LRRIQ4: variants seen among roughly 807,000 people sequenced by gnomAD.
The protein encoded by LRRIQ4 is leucine rich repeats and IQ motif containing 4.
In LRRIQ4, 21 loss-of-function variants were observed where a neutral mutation model predicts 40.1. The observed-to-expected ratio is 0.52, with a 90% confidence interval of 0.37 to 0.75. The LOEUF is 0.75. LRRIQ4 is among the 30% of genes least tolerant of loss of function. LRRIQ4 has a pLI of 0.00. For synonymous variants in LRRIQ4, 277 were observed against 277.1 expected, an observed-to-expected ratio of 1.00 and a Z score of 0.00; for missense variants, 655 against 660.0, an observed-to-expected ratio of 0.99 and a Z score of 0.08.
Position 169,828,861 on chromosome 3 carries a change from G to A in LRRIQ4, c.1123G>A (p.Glu375Lys). The change falls in exon 3 of 6, where the codon GAG becomes AAG. Residue 375 changes from glutamate (E) to lysine (K), a missense_variant. Physicochemically the swap from Glu to Lys is moderately conservative, Grantham distance 56. Transcript: ENST00000340806. ...PEEVLSLASL[E>K]KLYIGQDQGF... The stretch of plus-strand genomic sequence containing the variant: ...GGAAGTCCTTTCTTTAGCGTCTTTA[G>A]AGAAATTATACATTGGGCAAGACCA... 6.2e-7 allele frequency: 1 copy of A among 1,613,884 alleles called. No homozygotes were observed.
Position 169,833,056 on chromosome 3 carries a change from A to G in LRRIQ4, c.1403A>G (p.Asn468Ser). Residue 468 changes from asparagine (N) to serine (S), a missense_variant, in exon 5 of 6, where the codon AAT (asparagine) becomes AGT (serine). Asn to Ser is a conservative substitution (Grantham distance 46). Coordinates refer to ENST00000340806, the MANE Select transcript of LRRIQ4 (RefSeq NM_001080460.3). ...HLPENLDSLV[N>S]LKVLTLMDNP... is the part of the protein sequence containing the mutation. Reference sequence around the variant, plus strand: ...CCAGAGAATTTGGATTCCCTAGTGAATCTTAAGGTTCTGACACTGATGGAC... The same window carrying G: ...CCAGAGAATTTGGATTCCCTAGTGAGTCTTAAGGTTCTGACACTGATGGAC... The G allele has an allele frequency of 6.2e-7, 1 of 1,614,014 alleles. No homozygotes were observed. Among genetic ancestry groups the G allele is most frequent in the Non-Finnish European group, 8.5e-7 (1 of 1,179,888 alleles).
chr3:169,834,724 C>A (rs192023537), intron 5 of LRRIQ4, among the ~76,000 whole-genome samples: 41 of 152,242 alleles, frequency 2.7e-4, no homozygotes, highest in Admixed American at 9.2e-4. Flanking sequence ...TAAACATGTA[C>A]TTCCATTCTA....
intron 2 of LRRIQ4, among the ~76,000 whole-genome samples, chr3:169,826,366 GA>G (rs1171287522): frequency 6.7e-6 from 1 of 149,006 alleles, no homozygotes; most frequent in Non-Finnish European, 1.5e-5. Flanking sequence ...CCGTCCAGCC[GA>G]GGCAAGAAGA....
chr3:169,831,583 TGA>T (rs1248342001), intron 4 of LRRIQ4, among the ~76,000 whole-genome samples: 1 of 146,900 alleles, frequency 6.8e-6, no homozygotes, highest in Admixed American at 6.8e-5. Context: ...ATTACAGGCG[TGA>T]GCCACCGTGC....
chr3:169,830,704 C>G (rs2108182325), intron 4 of LRRIQ4, 74 bp downstream of exon 4: 2 of 1,560,294 alleles, frequency 1.3e-6, no homozygotes, highest in Non-Finnish European at 1.8e-6. Flanking sequence ...GGCTTCCTTG[C>G]TTTGCTAAAG....
At chr3:169,816,474 A>T (rs537337787) in intron 1 of LRRIQ4, among the ~76,000 whole-genome samples, 2 of 152,168 alleles carry the variant, frequency 1.3e-5, no homozygotes, top group East Asian at 3.9e-4. Context: ...TTTCTACTGT[A>T]TCAGTTGTAA....
At chr3:169,826,161 G>A (rs1160127222) in intron 2 of LRRIQ4, among the ~76,000 whole-genome samples, 1 of 152,160 alleles carries the variant, frequency 6.6e-6, no homozygotes, top group Non-Finnish European at 1.5e-5. Flanking sequence ...GGAGGATGAG[G>A]CGAGTGGATC....
intron 5 of LRRIQ4, among the ~76,000 whole-genome samples, chr3:169,834,220 G>A (rs1034680574): frequency 1.3e-5 from 2 of 152,060 alleles, no homozygotes; most frequent in Non-Finnish European, 2.9e-5. Context: ...AAATTAGCTG[G>A]GCATGGTGGT....
intron 2 of LRRIQ4, 141 bp downstream of exon 2, chr3:169,823,082 C>T (rs905784415): frequency 4.5e-6 from 3 of 662,464 alleles, no homozygotes; most frequent in Non-Finnish European, 7.3e-6. Context: ...CAAGGTGATA[C>T]TTTGTATTAC....
chr3:169,828,415 G>T (rs188655496), intron 2 of LRRIQ4, among the ~76,000 whole-genome samples: 1 of 152,222 alleles, frequency 6.6e-6, no homozygotes, highest in Non-Finnish European at 1.5e-5. Context: ...ATATTTTTTA[G>T]TAGAGACAAG....
intron 2 of LRRIQ4, among the ~76,000 whole-genome samples, chr3:169,826,753 T>C (rs1053573072): frequency 2.0e-5 from 3 of 152,350 alleles, no homozygotes; most frequent in South Asian, 4.1e-4. Context: ...GCATTTTGTA[T>C]TGAAGACATC....
Position 169,822,700 on chromosome 3 carries a change from C to T in LRRIQ4, c.779C>T (p.Thr260Met), listed in dbSNP as rs1306209640. The change falls in exon 2 of 6, where the codon ACG (threonine) becomes ATG (methionine). Residue 260 changes from threonine to methionine, a missense_variant. Transcript: ENST00000340806. ...AGCTTCGCCGAGCTCAGGAAGATGA[C>T]GGAAATCGGGCTGAGCGGGAACCGC... ...PKSFAELRKM[T>M]EIGLSGNRLE... 1.2e-6 allele frequency: 2 copies of T among 1,613,968 alleles called. No homozygotes were observed. Among genetic ancestry groups the T allele is most frequent in the Non-Finnish European group, 1.7e-6 (2 of 1,179,888 alleles).
chr3:169,832,568 G>T (rs2108185045), intron 4 of LRRIQ4, among the ~76,000 whole-genome samples: 1 of 145,442 alleles, frequency 6.9e-6, no homozygotes, highest in South Asian at 2.2e-4. Flanking sequence ...GGAGGCAGAG[G>T]TTGTAGTGAG....
At chr3:169,819,654 G>A (rs1461623521) in intron 1 of LRRIQ4, among the ~76,000 whole-genome samples, 1 of 152,190 alleles carries the variant, frequency 6.6e-6, no homozygotes, top group African/African-American at 2.4e-5. Context: ...TCTGAGAAGA[G>A]CCCTTTTAGT....
rs1780099837 is a variant in LRRIQ4 at position 169,828,836 on chromosome 3, G to A, written c.1098G>A (p.Glu366=). 2 of 1,613,734 alleles carry A rather than the reference G, an allele frequency of 1.2e-6. No homozygotes were observed. The highest frequency in any genetic ancestry group is 1.3e-5 in the African/African-American group (1 of 74,912). Residue 366 remains glutamate (E), a synonymous_variant, in exon 3 of 6, where the codon GAG becomes GAA. Coordinates refer to ENST00000340806, the MANE Select transcript of LRRIQ4 (RefSeq NM_001080460.3). ...LTGNEFLSFP[E]EVLSLASLEK... Reference sequence around the variant, plus strand: ...GAAATGAGTTCCTTTCCTTTCCGGAGGAAGTCCTTTCTTTAGCGTCTTTAG... The same window carrying A: ...GAAATGAGTTCCTTTCCTTTCCGGAAGAAGTCCTTTCTTTAGCGTCTTTAG...
rs1576755080 is a variant in LRRIQ4, at chr3:169,812,977, G to C, written c.-101G>C. 2 of 167,882 alleles carry C rather than the reference G, an allele frequency of 1.2e-5. No homozygotes were observed. Among genetic ancestry groups the C allele is most frequent in the Admixed American group, 6.4e-5 (1 of 15,692 alleles). 10.4% of individuals were successfully genotyped at this position (167,882 alleles called of 1,614,324 possible). A position where few individuals can be genotyped will look rare whatever the true frequency, so the allele number is the denominator to read the frequency against. On this transcript the variant is annotated 5_prime_UTR_variant, in exon 1 of 6. Transcript: ENST00000340806. This position sits in a 1 kb window ranked among gnomAD's most constrained non-coding sequence, Gnocchi z 4.3. Reference sequence around the variant, plus strand: ...CCACCAGGGAGGGCTTCCTGAAGGAGGTGACATCTGGATGGTCCGAAGGAG... The same window carrying C: ...CCACCAGGGAGGGCTTCCTGAAGGACGTGACATCTGGATGGTCCGAAGGAG...
intron 2 of LRRIQ4, 111 bp downstream of exon 2, chr3:169,823,052 C>T: frequency 1.2e-6 from 1 of 836,940 alleles, no homozygotes; most frequent in South Asian, 2.2e-5. Context: ...GGCGAAAATC[C>T]AAGATTACTA....
chr3:169,817,238 A>G (rs1410714119), intron 1 of LRRIQ4, among the ~76,000 whole-genome samples: 1 of 152,146 alleles, frequency 6.6e-6, no homozygotes, highest in African/African-American at 2.4e-5. Context: ...TGTTTGTACA[A>G]TTCCCAAATT....
At chr3:169,831,831 A>G (rs1445649902) in intron 4 of LRRIQ4, among the ~76,000 whole-genome samples, 1 of 151,564 alleles carries the variant, frequency 6.6e-6, no homozygotes, top group East Asian at 2.0e-4. Flanking sequence ...GCTGAGTGTG[A>G]TGGCACGTGC....
Sources: allele counts gnomAD v4.1 joint callset (sites outside exome capture counted in the v4.1 genomes callset), GRCh38; gene constraint gnomAD v4.1.1; non-coding constraint Gnocchi (gnomAD v3.1); transcripts MANE v1.5; gene names NCBI Gene and HGNC (gene_info 2026-07-23, HGNC 2026-07-21).